The following VGLL4 variants were observed in gnomAD, a reference collection of about 807,000 sequenced individuals.
VGLL4 encodes the protein transcription cofactor vestigial-like protein 4.
In VGLL4, 7 loss-of-function variants were observed where a neutral mutation model predicts 21.0. That is an observed-to-expected ratio of 0.33 (90% CI 0.19 to 0.63). VGLL4 has a LOEUF of 0.63. Among genes scored for constraint, VGLL4 ranks in the 20% least tolerant of loss-of-function variants. The probability of loss-of-function intolerance (pLI) is 0.78; values close to 1 mark genes in which losing one functional copy is unlikely to be tolerated. For missense variants in VGLL4, 394 were observed against 425.7 expected (o/e 0.93, Z 0.66); for synonymous variants, 222 against 173.2 (o/e 1.28, Z -2.21).
intron 2 of VGLL4, among the ~76,000 whole-genome samples, chr3:11,570,536 G>A (rs1575390208): frequency 6.6e-6 from 1 of 152,178 alleles, no homozygotes; most frequent in East Asian, 1.9e-4. Flanking sequence ...CCGCACGGGT[G>A]ACCACATACC....
intron 2 of VGLL4, among the ~76,000 whole-genome samples, chr3:11,658,536 A>G (rs1398082550): frequency 6.6e-6 from 1 of 150,880 alleles, no homozygotes; most frequent in East Asian, 1.9e-4. Flanking sequence ...GATCACTGCA[A>G]TATGTTTGCT....
chr3:11,639,644 G>C (rs928135963), intron 1 of VGLL4, among the ~76,000 whole-genome samples: 19 of 152,186 alleles, frequency 1.2e-4, no homozygotes, highest in Non-Finnish European at 2.5e-4. Context: ...AGGCCAAGGC[G>C]GGCGGATTAC....
intron 2 of VGLL4, chr3:11,702,948 T>C: frequency 6.2e-7 from 1 of 1,601,540 alleles, no homozygotes; most frequent in Non-Finnish European, 8.5e-7. Flanking sequence ...CTTAAGCTAT[T>C]TTATAATAGA....
intron 2 of VGLL4, among the ~76,000 whole-genome samples, chr3:11,682,117 G>A (rs79165032): frequency 0.13 from 19,068 of 152,050 alleles, 1,339 homozygotes; most frequent in Admixed American, 0.21. Context: ...AAATTAGCCA[G>A]GTGTGGCCGG....
intron 2 of VGLL4, among the ~76,000 whole-genome samples, chr3:11,579,362 C>A (rs1247045756): frequency 1.3e-5 from 2 of 152,112 alleles, no homozygotes; most frequent in Non-Finnish European, 2.9e-5. Flanking sequence ...AAGCAGAGTT[C>A]CCACGGGAAA....
At chr3:11,567,286 C>T (rs1313961188) in intron 2 of VGLL4, among the ~76,000 whole-genome samples, 1 of 152,124 alleles carries the variant, frequency 6.6e-6, no homozygotes, top group Non-Finnish European at 1.5e-5. Context: ...GCAGTGCAGC[C>T]CTCAGTGAGC....
intron 2 of VGLL4, among the ~76,000 whole-genome samples, chr3:11,574,821 G>C (rs1306751448): frequency 2.1e-5 from 3 of 142,112 alleles, no homozygotes; most frequent in African/African-American, 9.1e-5. Flanking sequence ...GTGTGTGTGT[G>C]TGTGTGTGTG....
rs59729623 is a variant in VGLL4 at position 11,573,960 on chromosome 3, G to A, written c.273-8941C>T. Among the ~76,000 whole-genome samples, 1,130 of 152,272 alleles carry A rather than the reference G, an allele frequency of 7.4e-3. 14 individuals are homozygous for A. The highest frequency in any genetic ancestry group is 0.025 in the African/African-American group (1,059 of 41,532). ...TCTGGATACAGTGACAGACACATAC[G>A]GAGGGAAGAAGATGTGAAGACAGAG... On this transcript the variant is annotated intron_variant, in intron 2 of 4. Coordinates refer to ENST00000430365, the MANE Select transcript of VGLL4 (RefSeq NM_001128219.3).
At chr3:11,602,465 A>T (rs2074830013) in intron 1 of VGLL4, among the ~76,000 whole-genome samples, 1 of 151,632 alleles carries the variant, frequency 6.6e-6, no homozygotes, top group South Asian at 2.1e-4. Flanking sequence ...TTTCTAATAT[A>T]GTCTTGGTAT....
intron 1 of VGLL4, among the ~76,000 whole-genome samples, chr3:11,623,961 C>T (rs746734561): frequency 1.3e-5 from 2 of 151,928 alleles, no homozygotes; most frequent in African/African-American, 4.8e-5. Context: ...AGGCTGGTCT[C>T]GAACTCCTGG....
chr3:11,569,130 A>C (rs1464913940), intron 2 of VGLL4, among the ~76,000 whole-genome samples: 1 of 152,196 alleles, frequency 6.6e-6, no homozygotes, highest in Non-Finnish European at 1.5e-5. Context: ...ACGTGAAAGA[A>C]GTGCACTGCG....
intron 1 of VGLL4, among the ~76,000 whole-genome samples, chr3:11,640,843 T>C (rs2075675389): frequency 6.6e-6 from 1 of 152,070 alleles, no homozygotes; most frequent in African/African-American, 2.4e-5. Context: ...ACAGGCTGAG[T>C]GCGGTGGCTC....
chr3:11,700,727 A>G (rs1375396128), intron 2 of VGLL4, among the ~76,000 whole-genome samples: 1 of 152,226 alleles, frequency 6.6e-6, no homozygotes, highest in Non-Finnish European at 1.5e-5. Context: ...GATGGCTGAC[A>G]GCTCTGGAGA....
At chr3:11,597,451 A>G (rs2074673808) in intron 2 of VGLL4, among the ~76,000 whole-genome samples, 1 of 152,196 alleles carries the variant, frequency 6.6e-6, no homozygotes, top group Admixed American at 6.5e-5. Flanking sequence ...TGGATAGGTT[A>G]ATGGATAAAT....
intron 2 of VGLL4, among the ~76,000 whole-genome samples, chr3:11,674,562 A>G (rs566147464): frequency 5.3e-5 from 8 of 152,290 alleles, no homozygotes; most frequent in African/African-American, 1.7e-4. Flanking sequence ...ACAGCTTTAC[A>G]TGGCAGAGAT....
At chr3:11,636,127 T>C (rs1364282955) in intron 1 of VGLL4, among the ~76,000 whole-genome samples, 1 of 152,238 alleles carries the variant, frequency 6.6e-6, no homozygotes, top group African/African-American at 2.4e-5. Context: ...TACTGCCATA[T>C]AATGGAAGAT....
intron 1 of VGLL4, among the ~76,000 whole-genome samples, chr3:11,621,998 T>C (rs917020617): frequency 4.6e-5 from 7 of 151,906 alleles, no homozygotes; most frequent in Admixed American, 1.3e-4. Context: ...ATTATCTGCC[T>C]TTGTACTGTT....
intron 1 of VGLL4, among the ~76,000 whole-genome samples, chr3:11,705,687 A>C (rs1483193502): frequency 6.6e-6 from 1 of 152,248 alleles, no homozygotes; most frequent in Admixed American, 6.5e-5. Context: ...CTATTCAGGA[A>C]AGATCTGGGT....
intron 1 of VGLL4, among the ~76,000 whole-genome samples, chr3:11,616,052 T>C (rs1432880183): frequency 6.6e-6 from 1 of 152,068 alleles, no homozygotes; most frequent in Non-Finnish European, 1.5e-5. Context: ...CCTGACTGAT[T>C]GGATTGCCGG....
Sources: allele counts gnomAD v4.1 joint callset (sites outside exome capture counted in the v4.1 genomes callset), GRCh38; gene constraint gnomAD v4.1.1; transcripts MANE v1.5; gene names NCBI Gene and HGNC (gene_info 2026-07-23, HGNC 2026-07-21).